LUC7L2: variants seen among roughly 807,000 people sequenced by gnomAD.
LUC7L2 encodes LUC7 like 2, pre-mRNA splicing factor, also known as putative RNA-binding protein Luc7-like 2.
LUC7L2 carries 25 observed loss-of-function variants against 52.8 expected under a neutral mutation model. The observed-to-expected ratio is 0.47, with a 90% CI of 0.34 to 0.66. LUC7L2 has a LOEUF of 0.66. LUC7L2 is among the 30% of genes least tolerant of loss of function. LUC7L2 has a pLI of 0.01. For missense variants in LUC7L2, 328 were observed against 497.8 expected (o/e 0.66, Z 3.25); for synonymous variants, 144 against 160.9 (o/e 0.89, Z 0.80).
intron 1 of LUC7L2, chr7:139,374,754 GT>G: frequency 1.6e-6 from 2 of 1,224,848 alleles, no homozygotes; most frequent in Non-Finnish European, 2.0e-6. Context: ...CTTTAACCAC[GT>G]TAAAACAATT....
intron 2 of LUC7L2, among the ~76,000 whole-genome samples, chr7:139,390,618 C>T (rs1182436886): frequency 2.0e-5 from 3 of 149,726 alleles, no homozygotes; most frequent in Admixed American, 6.7e-5. Flanking sequence ...TGCAGTGGCA[C>T]GATCTCGGCT....
At chr7:139,418,087 G>A (rs1394415317) in intron 9 of LUC7L2, among the ~76,000 whole-genome samples, 1 of 152,182 alleles carries the variant, frequency 6.6e-6, no homozygotes, top group African/African-American at 2.4e-5. Flanking sequence ...CATTACAAGA[G>A]TTGTTTAGCT....
chr7:139,348,680 C>T (rs1193553385), intron 1 of LUC7L2, among the ~76,000 whole-genome samples: 3 of 151,786 alleles, frequency 2.0e-5, no homozygotes, highest in East Asian at 3.9e-4. Flanking sequence ...GATCACACAA[C>T]TGCACTCAAG....
intron 1 of LUC7L2, among the ~76,000 whole-genome samples, chr7:139,362,786 A>T (rs1421985354): frequency 2.7e-5 from 4 of 150,884 alleles, no homozygotes; most frequent in African/African-American, 9.8e-5. Flanking sequence ...TTACCTCCTC[A>T]CCCCCTCAAG....
chr7:139,359,574 C>T, upstream of LUC7L2: 1 of 371,702 alleles, frequency 2.7e-6, no homozygotes, highest in Non-Finnish European at 4.8e-6. Flanking sequence ...TTACTTTCCG[C>T]CCAGGCTAAC....
chr7:139,405,452 T>G (rs575490921), intron 4 of LUC7L2, among the ~76,000 whole-genome samples, 192 bp from the exon 5 acceptor site: 1 of 152,282 alleles, frequency 6.6e-6, no homozygotes, highest in South Asian at 2.1e-4. Context: ...TAGCCCTGAC[T>G]TCATTGAGGT....
intron 2 of LUC7L2, among the ~76,000 whole-genome samples, chr7:139,396,275 TAAA>T (rs892978393): frequency 6.8e-6 from 1 of 148,058 alleles, no homozygotes; most frequent in Non-Finnish European, 1.5e-5. Context: ...TGTCTCTACT[TAAA>T]AAAAAAAATT....
intron 1 of LUC7L2, among the ~76,000 whole-genome samples, chr7:139,365,535 T>G (rs532040336): frequency 2.0e-5 from 3 of 152,220 alleles, no homozygotes; most frequent in South Asian, 4.1e-4. Context: ...CAGGTACTCT[T>G]CAGTAACAGG....
intron 1 of LUC7L2, chr7:139,345,350 A>G: frequency 8.0e-7 from 1 of 1,245,476 alleles, no homozygotes; most frequent in Non-Finnish European, 1.1e-6. Flanking sequence ...GTGCCTCTAT[A>G]GATGTATTAA....
intron 5 of LUC7L2, 105 bp downstream of exon 5, chr7:139,405,892 T>A: frequency 7.3e-7 from 1 of 1,378,506 alleles, no homozygotes. Context: ...AGAACATGTA[T>A]TTGAATGGAA....
chr7:139,399,006 A>G (rs1230743562), intron 3 of LUC7L2, among the ~76,000 whole-genome samples: 2 of 152,174 alleles, frequency 1.3e-5, no homozygotes, highest in Non-Finnish European at 2.9e-5. Context: ...TTTATAGTGT[A>G]TATAAGGACC....
chr7:139,407,877 G>T (rs1416269107), intron 6 of LUC7L2, among the ~76,000 whole-genome samples: 1 of 152,166 alleles, frequency 6.6e-6, no homozygotes, highest in East Asian at 1.9e-4. Context: ...CTTTTGTGGG[G>T]AAGACAACAC....
At chr7:139,410,124 G>A (rs780162216) in intron 7 of LUC7L2, among the ~76,000 whole-genome samples, 5 of 151,996 alleles carry the variant, frequency 3.3e-5, no homozygotes, top group Admixed American at 2.6e-4. Flanking sequence ...GGAGAATGGC[G>A]TGAACCTGGG....
At chr7:139,349,614 T>TC (rs10581534) in intron 1 of LUC7L2, among the ~76,000 whole-genome samples, 2,302 of 134,170 alleles carry the variant, frequency 0.017, 32 homozygotes, top group Non-Finnish European at 0.024. Flanking sequence ...TGTCAACTGC[T>TC]CCCCCCCCCC....
At chr7:139,405,873 A>G (rs776712682) in intron 5 of LUC7L2, 86 bp downstream of exon 5, 335 of 1,444,426 alleles carry the variant, frequency 2.3e-4, no homozygotes, top group Non-Finnish European at 2.8e-4. Flanking sequence ...CAGTATCTAT[A>G]CTTCTCTAAG....
intron 2 of LUC7L2, among the ~76,000 whole-genome samples, chr7:139,382,950 G>A (rs751133216): frequency 6.7e-6 from 1 of 150,038 alleles, no homozygotes; most frequent in Non-Finnish European, 1.5e-5. Context: ...TTTTTTGGAG[G>A]AGTCTCCCTT....
upstream of LUC7L2, among the ~76,000 whole-genome samples, chr7:139,358,265 C>T (rs1799677019): frequency 1.3e-5 from 2 of 152,158 alleles, no homozygotes; most frequent in African/African-American, 4.8e-5. Flanking sequence ...GCCTCTGCCT[C>T]CCAAAGTACT....
At chr7:139,414,991 A>T (rs1795523145) in intron 8 of LUC7L2, among the ~76,000 whole-genome samples, 1 of 145,816 alleles carries the variant, frequency 6.9e-6, no homozygotes, top group Admixed American at 7.0e-5. Context: ...GGTTCAAGTG[A>T]TTCTTCTACC....
chr7:139,343,770 A>G (rs1425115033), intron 1 of LUC7L2, among the ~76,000 whole-genome samples: 1 of 151,980 alleles, frequency 6.6e-6, no homozygotes, highest in Non-Finnish European at 1.5e-5. Context: ...CCCTGTTTGT[A>G]TAAAAAATAC....
Sources: allele counts gnomAD v4.1 joint callset (sites outside exome capture counted in the v4.1 genomes callset), GRCh38; gene constraint gnomAD v4.1.1; transcripts MANE v1.5; gene names NCBI Gene and HGNC (gene_info 2026-07-23, HGNC 2026-07-21).